TOMM34: variants seen among roughly 807,000 people sequenced by gnomAD.
The protein encoded by TOMM34 is mitochondrial import receptor subunit TOM34.
A neutral mutation model predicts 37.4 loss-of-function variants in TOMM34; 24 were observed. The ratio of observed to expected loss-of-function variants is 0.64; its 90% CI spans 0.46 to 0.90. TOMM34 has a LOEUF of 0.90. Among genes scored for constraint, TOMM34 ranks in the 40% least tolerant of loss-of-function variants. TOMM34 has a pLI of 0.00. For missense variants in TOMM34, 304 were observed against 375.6 expected (o/e 0.81, Z 1.58); for synonymous variants, 154 against 148.9 (o/e 1.03, Z -0.25).
At position 44,943,046 on chromosome 20, in the gene TOMM34, GC is replaced by G; in HGVS notation, c.*62del. ...GCTGGGTTTCAGGAGCGGGCACAGAGCAGGTGGCCCATGGCTTCTCTGGGTA... is the reference window on the plus strand; with the variant it reads ...GCTGGGTTTCAGGAGCGGGCACAGAGAGGTGGCCCATGGCTTCTCTGGGTA... On this transcript the variant is annotated 3_prime_UTR_variant, in exon 7 of 7. Coordinates refer to ENST00000372813, the MANE Select transcript of TOMM34 (RefSeq NM_006809.5). 1 of 1,530,244 alleles carries G rather than the reference GC, an allele frequency of 6.5e-7. No individual in the cohort carries two copies. Among genetic ancestry groups the G allele is most frequent in the African/African-American group, 1.4e-5 (1 of 73,308 alleles). The allele number at this position is 1,530,244 out of a possible 1,614,324, so 94.8% of individuals were successfully genotyped here. A position where few individuals can be genotyped will look rare whatever the true frequency, so the allele number is the denominator to read the frequency against.
At chr20:44,947,783 A>G (rs1241344570) in intron 5 of TOMM34, among the ~76,000 whole-genome samples, 5 of 152,198 alleles carry the variant, frequency 3.3e-5, no homozygotes, top group Non-Finnish European at 1.5e-5. Context: ...GATTACAGGC[A>G]TTGAGCCACC....
intron 1 of TOMM34, among the ~76,000 whole-genome samples, chr20:44,956,862 C>CAAGA (rs1027725053): frequency 1.2e-5 from 1 of 81,208 alleles, no homozygotes; most frequent in Admixed American, 1.5e-4. Flanking sequence ...CATTTAAATC[C>CAAGA]AAGAAAGAAA....
intron 4 of TOMM34, 62 bp downstream of exon 4, chr20:44,951,771 C>T (rs1452218151): frequency 1.3e-6 from 2 of 1,537,042 alleles, no homozygotes; most frequent in Non-Finnish European, 1.8e-6. Flanking sequence ...TTTTGCAGGA[C>T]TACTCTAAAG....
rs748360554 is a variant in TOMM34, at chr20:44,951,846, A to C, written c.537T>G (p.Ala179=). 2.5e-6 allele frequency: 4 copies of C among 1,613,956 alleles called. No individual in the cohort carries two copies. In the Admixed American group the frequency reaches 5.0e-5, roughly 20 times the overall value. Residue 179 remains alanine (A), a synonymous_variant, in exon 4 of 7, where the codon GCT becomes GCG. Transcript: ENST00000372813. ...GTCACAGCTCACCTCTGTTCTTTGTAGCTGTGGTTTCTTTGGATTTGCTTT... is the reference window on the plus strand; with the variant it reads ...GTCACAGCTCACCTCTGTTCTTTGTCGCTGTGGTTTCTTTGGATTTGCTTT... ...MAKSKSKETT[A]TKNRVPSAGD...
At chr20:44,960,113 C>T in intron 1 of TOMM34, 94 bp downstream of exon 1, 1 of 631,986 alleles carries the variant, frequency 1.6e-6, no homozygotes, top group Non-Finnish European at 2.6e-6. Context: ...GTGGGAGGGC[C>T]GGGCAGGACT....
intron 1 of TOMM34, chr20:44,959,089 T>C (rs925484166): frequency 3.3e-5 from 5 of 152,164 alleles, no homozygotes; most frequent in African/African-American, 1.2e-4. Context: ...AATTTAACTC[T>C]CTTGGACTCC....
chr20:44,958,178 T>C (rs554724682), intron 1 of TOMM34, among the ~76,000 whole-genome samples: 32 of 141,438 alleles, frequency 2.3e-4, no homozygotes, highest in African/African-American at 7.9e-4. Context: ...ACAGGAAAGA[T>C]ACCATTTTAT....
chr20:44,952,604 C>T, intron 3 of TOMM34: 1 of 717,386 alleles, frequency 1.4e-6, no homozygotes, highest in Non-Finnish European at 2.6e-6. Flanking sequence ...AAAAAGATTG[C>T]CACCTTCCAG....
intron 2 of TOMM34, chr20:44,955,618 C>T (rs1252259828): frequency 4.4e-6 from 2 of 458,924 alleles, no homozygotes; most frequent in South Asian, 3.1e-5. Context: ...CTATGTGACC[C>T]AGGTAAATCA....
Position 44,943,220 on chromosome 20 carries a change from G to C in TOMM34, c.826-7C>G, listed in dbSNP as rs1568657181. The C allele has an allele frequency of 3.7e-6, 6 of 1,613,860 alleles. No individual in the cohort carries two copies. The highest frequency in any genetic ancestry group is 5.1e-6 in the Non-Finnish European group (6 of 1,179,890). ...CAAAGCTGGATTTATAGTCCTAATA[G>C]AAGAAAAGACAGGAGTGTGGGGGAA... On this transcript the variant is annotated splice_region_variant and splice_polypyrimidine_tract_variant and intron_variant, in intron 6 of 6. Coordinates refer to ENST00000372813, the MANE Select transcript of TOMM34 (RefSeq NM_006809.5).
intron 6 of TOMM34, 37 bp downstream of exon 6, chr20:44,943,416 G>A: frequency 3.1e-6 from 5 of 1,613,890 alleles, no homozygotes; most frequent in Non-Finnish European, 4.2e-6. Context: ...AATCTCTGTA[G>A]CTATGTTGGG....
chr20:44,943,037 G>A lies in TOMM34; in HGVS notation c.*72C>T, dbSNP rs1011199596. On this transcript the variant is annotated 3_prime_UTR_variant, in exon 7 of 7. Coordinates refer to ENST00000372813, the MANE Select transcript of TOMM34 (RefSeq NM_006809.5). ...TTGGGGCATGCTGGGTTTCAGGAGC[G>A]GGCACAGAGCAGGTGGCCCATGGCT... 1.8e-5 allele frequency: 26 copies of A among 1,462,830 alleles called. No individual in the cohort carries two copies. The highest frequency in any genetic ancestry group is 1.0e-4 in the South Asian group (9 of 87,178). 90.6% of individuals were successfully genotyped at this position (1,462,830 alleles called of 1,614,324 possible).
intron 4 of TOMM34, among the ~76,000 whole-genome samples, chr20:44,950,453 T>C (rs1268708169): frequency 6.6e-6 from 1 of 152,192 alleles, no homozygotes; most frequent in East Asian, 1.9e-4. Flanking sequence ...TCTCAGTCCC[T>C]CAACTGAGGG....
At chr20:44,951,124 T>C (rs778051966) in intron 4 of TOMM34, among the ~76,000 whole-genome samples, 6 of 152,174 alleles carry the variant, frequency 3.9e-5, no homozygotes, top group Non-Finnish European at 8.8e-5. Flanking sequence ...CTTCAGGGAA[T>C]GGCCTGTGAC....
At chr20:44,948,138 T>C (rs371245387) in intron 5 of TOMM34, among the ~76,000 whole-genome samples, 8 of 152,176 alleles carry the variant, frequency 5.3e-5, no homozygotes, top group African/African-American at 1.2e-4. Context: ...TATACGAGCA[T>C]TGTTGGAGAA....
chr20:44,948,229 C>G (rs937945607), intron 5 of TOMM34, among the ~76,000 whole-genome samples: 1 of 152,188 alleles, frequency 6.6e-6, no homozygotes, highest in African/African-American at 2.4e-5. Context: ...GCTCCTGGTG[C>G]AGGACTTTCT....
chr20:44,944,744 C>A (rs907640979), intron 5 of TOMM34, among the ~76,000 whole-genome samples: 1 of 152,084 alleles, frequency 6.6e-6, no homozygotes. Context: ...AAATGCTTTC[C>A]AAAAAAGCTG....
intron 5 of TOMM34, among the ~76,000 whole-genome samples, chr20:44,947,164 A>G (rs1411989504): frequency 3.3e-5 from 5 of 152,252 alleles, no homozygotes; most frequent in Non-Finnish European, 7.3e-5. Flanking sequence ...AAGATGCCAC[A>G]CAAATATGGA....
chr20:44,948,672 G>C, intron 5 of TOMM34, 58 bp downstream of exon 5: 1 of 1,598,662 alleles, frequency 6.3e-7, no homozygotes, highest in Non-Finnish European at 8.6e-7. Context: ...CAGTCCAAGA[G>C]AAGACTATGG....
Sources: gnomAD v4.1 joint callset for allele counts (sites outside exome capture counted in the v4.1 genomes callset) on GRCh38, gnomAD v4.1.1 for gene constraint, MANE v1.5 for transcripts, NCBI Gene and HGNC (gene_info 2026-07-23, HGNC 2026-07-21) for gene names.